Variants in IL17RB observed in about 807,000 individuals in gnomAD.
IL17RB encodes interleukin-17 receptor B.
Under a neutral mutation model 43.9 loss-of-function variants are expected in IL17RB, and 36 were observed. The observed-to-expected ratio is 0.82, with a 90% CI of 0.63 to 1.08. IL17RB has a LOEUF of 1.08. IL17RB is among the 50% of genes least tolerant of loss of function. The pLI is 0.00. For missense variants in IL17RB, 613 were observed against 613.6 expected, an observed-to-expected ratio of 1.00 and a Z score of 0.01; for synonymous variants, 225 against 225.4, an observed-to-expected ratio of 1.00 and a Z score of 0.02.
chr3:53,860,142 C>G lies in IL17RB; in HGVS notation c.860C>G (p.Pro287Arg), dbSNP rs750088430. Residue 287 changes from proline (P) to arginine (R), a missense_variant, in exon 10 of 11, where the codon CCG becomes CGG. By Grantham distance (103) the Pro-to-Arg change is moderately radical (BLOSUM62 -2). Coordinates refer to ENST00000288167, the MANE Select transcript of IL17RB (RefSeq NM_018725.4). ...TTGTTTTTTCCAGACAAAAGCAAGCCGGGAGGCTGGCTGCCTCTCCTCCTG... is the reference window on the plus strand; with the variant it reads ...TTGTTTTTTCCAGACAAAAGCAAGCGGGGAGGCTGGCTGCCTCTCCTCCTG... ...PFPLDNNKSK[P>R]GGWLPLLLLS... The G allele has an allele frequency of 6.2e-7, 1 of 1,613,644 alleles. No individual in the cohort carries two copies. The highest frequency in any genetic ancestry group is 1.1e-5 in the South Asian group (1 of 91,044).
chr3:53,852,912 A>G lies in IL17RB; in HGVS notation c.396A>G (p.Thr132=), dbSNP rs778769071. Residue 132 remains threonine (T), a synonymous_variant, in exon 5 of 11, where the codon ACA becomes ACG. Transcript: ENST00000288167. The stretch of plus-strand genomic sequence containing the variant: ...TCGGCTTCCCTGTAGAGCTGAACAC[A>G]GTCTATTTCATTGGGGCCCATAATA... The part of the protein sequence containing the change: ...SYIGFPVELN[T]VYFIGAHNIP... 1.2e-6 allele frequency: 2 copies of G among 1,613,714 alleles called. No homozygotes were observed. The highest frequency in any genetic ancestry group is 4.5e-5 in the East Asian group (2 of 44,880).
At chr3:53,853,647 GGT>G (rs1699234732) in intron 5 of IL17RB, among the ~76,000 whole-genome samples, 3 of 152,286 alleles carry the variant, frequency 2.0e-5, no homozygotes, top group Non-Finnish European at 4.4e-5. Flanking sequence ...GAGACAGGAT[GGT>G]GTGTGTGAAG....
intron 10 of IL17RB, 108 bp from the exon 11 acceptor site, chr3:53,864,638 T>C: frequency 1.2e-6 from 1 of 828,948 alleles, no homozygotes; most frequent in Non-Finnish European, 1.9e-6. Flanking sequence ...AGGCCCTTGG[T>C]GCTCAGCTGA....
At position 53,865,590 on chromosome 3, in the gene IL17RB, G is replaced by C. The variant is rs28385752; in HGVS notation, c.*282G>C. On this transcript the variant is annotated 3_prime_UTR_variant, in exon 11 of 11. Coordinates refer to ENST00000288167, the MANE Select transcript of IL17RB (RefSeq NM_018725.4). ...ATAATGCAACAATAAAGCATCTTCA[G>C]CCAAACATCTAGTCTTCCATAGACC... The C allele has an allele frequency of 5.3e-3, 1,919 of 364,976 alleles. 22 individuals are homozygous for C. The highest frequency in any genetic ancestry group is 0.033 in the African/African-American group (1,619 of 48,524). The allele number at this position is 364,976 out of a possible 1,614,324, so 22.6% of individuals were successfully genotyped here.
chr3:53,863,137 A>G (rs1322821144), intron 10 of IL17RB, among the ~76,000 whole-genome samples: 1 of 152,226 alleles, frequency 6.6e-6, no homozygotes, highest in East Asian at 1.9e-4. Context: ...AGCACATAAT[A>G]CACATAACAT....
At position 53,846,634 on chromosome 3, in the gene IL17RB, G is replaced by A. The variant is rs1170373021; in HGVS notation, c.46G>A (p.Val16Ile). The change falls in exon 1 of 11, where the codon GTA (valine) becomes ATA (isoleucine). Residue 16 changes from valine to isoleucine, a missense_variant. Physicochemically the swap from Val to Ile is conservative, Grantham distance 29. Transcript: ENST00000288167. ...CCTGGCCGCGCTGTGCAGGAGCGCC[G>A]TACCCCGAGAGCCGGTAAGCCCCCG... ...LSLAALCRSA[V>I]PREPTVQCGS... 1.3e-6 allele frequency: 2 copies of A among 1,591,388 alleles called. No homozygotes were observed. The highest frequency in any genetic ancestry group is 1.7e-5 in the Admixed American group (1 of 58,676).
Position 53,856,874 on chromosome 3 carries a change from G to C in IL17RB, c.560G>C (p.Cys187Ser). Residue 187 changes from cysteine to serine, a missense_variant, in exon 7 of 11, where the codon TGT becomes TCT. Physicochemically the swap from Cys to Ser is moderately radical, Grantham distance 112. Coordinates refer to ENST00000288167, the MANE Select transcript of IL17RB (RefSeq NM_018725.4). ...GSLWDPNITA[C>S]KKNEETVEVN... ...CTGTGGGATCCGAACATCACTGCTT[G>C]TAAGAAGAATGAGGAGACAGTAGAA... 6.2e-7 allele frequency: 1 copy of C among 1,614,164 alleles called. No individual in the cohort carries two copies. Among genetic ancestry groups the C allele is most frequent in the African/African-American group, 1.3e-5 (1 of 75,048 alleles).
At chr3:53,848,473 G>T (rs1470772477) in intron 1 of IL17RB, among the ~76,000 whole-genome samples, 191 bp from the exon 2 acceptor site, 3 of 152,342 alleles carry the variant, frequency 2.0e-5, no homozygotes, top group South Asian at 4.1e-4. Context: ...CTAATCCATG[G>T]TCCGTCATAG....
At chr3:53,849,487 G>C (rs762478018) in intron 2 of IL17RB, among the ~76,000 whole-genome samples, 168 bp from the exon 3 acceptor site, 1 of 150,098 alleles carries the variant, frequency 6.7e-6, no homozygotes, top group South Asian at 2.1e-4. Flanking sequence ...ATCATCTTAG[G>C]CAACAGAGTG....
intron 8 of IL17RB, 89 bp from the exon 9 acceptor site, chr3:53,858,630 G>A: frequency 6.5e-7 from 1 of 1,543,844 alleles, no homozygotes; most frequent in Admixed American, 1.9e-5. Context: ...AAGCCAGAAA[G>A]AAGGGAAGTT....
rs1699757630 is a variant in IL17RB, at chr3:53,865,570, GCAA to G, written c.*266_*268del. 1 of 417,158 alleles carries G rather than the reference GCAA, an allele frequency of 2.4e-6. No individual in the cohort carries two copies. The highest frequency in any genetic ancestry group is 4.3e-6 in the Non-Finnish European group (1 of 233,494). The allele number at this position is 417,158 out of a possible 1,614,324, so 25.8% of individuals were successfully genotyped here. A position where few individuals can be genotyped will look rare whatever the true frequency, so the allele number is the denominator to read the frequency against. ...TGAAAACTATAACCATTTTGATAAT[GCAA>G]CAATAAAGCATCTTCAGCCAAACAT... On this transcript the variant is annotated 3_prime_UTR_variant, in exon 11 of 11. Coordinates refer to ENST00000288167, the MANE Select transcript of IL17RB (RefSeq NM_018725.4).
At chr3:53,854,970 A>G (rs1444388012) in intron 5 of IL17RB, among the ~76,000 whole-genome samples, 2 of 152,084 alleles carry the variant, frequency 1.3e-5, no homozygotes, top group Non-Finnish European at 2.9e-5. Flanking sequence ...ACAAAAAATT[A>G]GCCGGGCGTG....
At chr3:53,854,748 TGGGGTGAGGATAGGGGAG>T (rs1156638511) in intron 5 of IL17RB, among the ~76,000 whole-genome samples, 1 of 152,152 alleles carries the variant, frequency 6.6e-6, no homozygotes, top group Non-Finnish European at 1.5e-5. Context: ...TACCCCACCC[TGGGGTGAGGATAGGGGAG>T]TGTTAGGCTT....
chr3:53,857,577 A>C, intron 7 of IL17RB, 39 bp from the exon 8 acceptor site: 1 of 1,581,788 alleles, frequency 6.3e-7, no homozygotes, highest in Non-Finnish European at 8.7e-7. Context: ...GAGCCAGTGC[A>C]CCTGGCACCT....
At chr3:53,863,343 A>G (rs932208968) in intron 10 of IL17RB, among the ~76,000 whole-genome samples, 1 of 152,200 alleles carries the variant, frequency 6.6e-6, no homozygotes, top group Non-Finnish European at 1.5e-5. Context: ...CAAAACATGG[A>G]GTATTTGAAT....
At chr3:53,849,021 A>T (rs1005012360) in intron 2 of IL17RB, among the ~76,000 whole-genome samples, 2 of 152,214 alleles carry the variant, frequency 1.3e-5, no homozygotes, top group African/African-American at 4.8e-5. Context: ...AATGTTTCAT[A>T]GGAGAGCGGG....
Position 53,852,039 on chromosome 3 carries a change from G to A in IL17RB, c.267G>A (p.Thr89=), listed in dbSNP as rs912759877. The A allele has an allele frequency of 1.3e-5, 21 of 1,614,108 alleles. No homozygotes were observed. Among genetic ancestry groups the A allele is most frequent in the East Asian group, 6.7e-5 (3 of 44,872 alleles). The change falls in exon 4 of 11, where the codon ACG becomes ACA. Residue 89 remains threonine (T), a synonymous_variant. Transcript: ENST00000288167. ...RLLKATKICV[T]GKSNFQSYSC... Reference sequence around the variant, plus strand: ...TGAAGGCCACCAAGATTTGTGTGACGGGCAAAAGCAACTTCCAGTCCTACA... The same window carrying A: ...TGAAGGCCACCAAGATTTGTGTGACAGGCAAAAGCAACTTCCAGTCCTACA...
chr3:53,864,642 C>T, intron 10 of IL17RB, 104 bp from the exon 11 acceptor site: 1 of 867,586 alleles, frequency 1.2e-6, no homozygotes, highest in Non-Finnish European at 1.8e-6. Flanking sequence ...CCTTGGTGCT[C>T]AGCTGACATT....
chr3:53,846,636 A>G lies in IL17RB; in HGVS notation c.48A>G (p.Val16=). ...TGGCCGCGCTGTGCAGGAGCGCCGT[A>G]CCCCGAGAGCCGGTAAGCCCCCGCC... is the stretch of plus-strand genomic sequence containing the variant. ...LSLAALCRSA[V]PREPTVQCGS... Residue 16 remains valine, a synonymous_variant, in exon 1 of 11, where the codon GTA becomes GTG. Coordinates refer to ENST00000288167, the MANE Select transcript of IL17RB (RefSeq NM_018725.4). 1 of 1,584,038 alleles carries G rather than the reference A, an allele frequency of 6.3e-7. No individual in the cohort carries two copies. Among genetic ancestry groups the G allele is most frequent in the Non-Finnish European group, 8.6e-7 (1 of 1,169,014 alleles).
Sources: gnomAD v4.1 joint callset for allele counts (sites outside exome capture counted in the v4.1 genomes callset) on GRCh38, gnomAD v4.1.1 for gene constraint, MANE v1.5 for transcripts, NCBI Gene and HGNC (gene_info 2026-07-23, HGNC 2026-07-21) for gene names.